SOX5: variants seen among roughly 807,000 people sequenced by gnomAD.
SOX5 encodes transcription factor SOX-5.
SOX5 carries 9 observed loss-of-function variants against 92.0 expected under a neutral mutation model. The observed-to-expected ratio is 0.10, with a 90% CI of 0.06 to 0.17. SOX5 has a LOEUF of 0.17. Ranked by LOEUF, SOX5 falls within the 10% of genes least tolerant of loss-of-function variation. The probability of loss-of-function intolerance (pLI) is 1.00; values close to 1 mark genes in which losing one functional copy is unlikely to be tolerated. For synonymous variants in SOX5, 344 were observed against 336.3 expected (o/e 1.02, Z -0.25); for missense variants, 642 against 944.5 (o/e 0.68, Z 4.20).
intron 4 of SOX5, among the ~76,000 whole-genome samples, chr12:24,170,811 T>C (rs1165045788): frequency 6.6e-6 from 1 of 152,206 alleles, no homozygotes; most frequent in Non-Finnish European, 1.5e-5. Context: ...ACACAGAATA[T>C]TGCGGTGCCA....
intron 1 of SOX5, among the ~76,000 whole-genome samples, chr12:24,435,761 TG>T (rs934323986): frequency 8.9e-4 from 89 of 99,634 alleles, no homozygotes; most frequent in African/African-American, 2.9e-3. Flanking sequence ...TACTGTGGTT[TG>T]TTTTTTTGTT....
intron 4 of SOX5, among the ~76,000 whole-genome samples, chr12:24,121,964 C>T (rs1401742243): frequency 6.8e-6 from 1 of 148,076 alleles, no homozygotes; most frequent in Non-Finnish European, 1.5e-5. Context: ...GACCATTACA[C>T]ATCAATGCAA....
intron 7 of SOX5, among the ~76,000 whole-genome samples, chr12:23,657,141 T>C (rs919817987): frequency 3.2e-5 from 3 of 93,130 alleles, no homozygotes; most frequent in Non-Finnish European, 6.7e-5. Flanking sequence ...AATGTGGAAA[T>C]GGAAGCTGGA....
chr12:23,783,911 C>A (rs1327375210), intron 3 of SOX5, among the ~76,000 whole-genome samples: 1 of 152,120 alleles, frequency 6.6e-6, no homozygotes, highest in East Asian at 1.9e-4. Context: ...AAGTTGGGCT[C>A]TCCTACCTGC....
At chr12:24,017,987 G>A (rs74906490) in intron 4 of SOX5, among the ~76,000 whole-genome samples, 1 of 152,192 alleles carries the variant, frequency 6.6e-6, no homozygotes, top group East Asian at 1.9e-4. Flanking sequence ...CGTTAACTCA[G>A]GATCTTGCTC....
At chr12:24,292,640 A>C (rs2140521438) in intron 2 of SOX5, among the ~76,000 whole-genome samples, 1 of 152,334 alleles carries the variant, frequency 6.6e-6, no homozygotes, top group South Asian at 2.1e-4. Context: ...TAAAGAAGAT[A>C]ATCTACAGTC....
At chr12:24,369,554 C>G (rs1006924841) in intron 1 of SOX5, among the ~76,000 whole-genome samples, 2 of 152,228 alleles carry the variant, frequency 1.3e-5, no homozygotes, top group African/African-American at 4.8e-5. Context: ...ATGGTGAGGA[C>G]AACAGAAGCT....
intron 4 of SOX5, among the ~76,000 whole-genome samples, chr12:24,075,113 A>G (rs373377834): frequency 3.3e-5 from 5 of 151,704 alleles, no homozygotes; most frequent in Non-Finnish European, 4.4e-5. Flanking sequence ...AATAAAAAAA[A>G]TAAAAATTAG....
intron 2 of SOX5, chr12:24,368,345 A>AT (rs1956373655): frequency 1.3e-5 from 2 of 152,224 alleles, no homozygotes; most frequent in East Asian, 3.8e-4. Flanking sequence ...ATTACTACAG[A>AT]ATCTACAAAA....
intron 4 of SOX5, among the ~76,000 whole-genome samples, chr12:24,112,605 A>G (rs1451835130): frequency 7.2e-6 from 1 of 139,586 alleles, no homozygotes; most frequent in East Asian, 2.2e-4. Flanking sequence ...ATCACGGCTC[A>G]CTGCAGACTT....
chr12:23,871,883 T>G (rs1568504850), intron 2 of SOX5, among the ~76,000 whole-genome samples: 1 of 152,244 alleles, frequency 6.6e-6, no homozygotes, highest in East Asian at 1.9e-4. Flanking sequence ...TCTATAACAA[T>G]AGAGTTTCTC....
At chr12:23,767,176 C>T (rs899224358) in intron 3 of SOX5, among the ~76,000 whole-genome samples, 8 of 151,554 alleles carry the variant, frequency 5.3e-5, no homozygotes, top group Non-Finnish European at 1.0e-4. Context: ...CACTGCACTC[C>T]AGCCTGGGCA....
At chr12:24,215,554 A>C (rs1959102175) in intron 3 of SOX5, among the ~76,000 whole-genome samples, 2 of 152,180 alleles carry the variant, frequency 1.3e-5, no homozygotes, top group African/African-American at 4.8e-5. Context: ...TAGAAGTCTA[A>C]GGCTTGTGAA....
chr12:24,137,030 T>C (rs12371840), intron 4 of SOX5, among the ~76,000 whole-genome samples: 32,445 of 152,176 alleles, frequency 0.21, 3,718 homozygotes, highest in African/African-American at 0.29. Flanking sequence ...AACTTTAAAG[T>C]GTCTTGGTCT....
chr12:24,430,071 G>A (rs1393382710), intron 1 of SOX5, among the ~76,000 whole-genome samples: 1 of 152,068 alleles, frequency 6.6e-6, no homozygotes, highest in Non-Finnish European at 1.5e-5. Flanking sequence ...AATCACTTTT[G>A]AAAATCTTAG....
intron 3 of SOX5, among the ~76,000 whole-genome samples, chr12:23,817,222 G>A (rs1023497734): frequency 2.6e-5 from 4 of 152,104 alleles, no homozygotes; most frequent in South Asian, 2.1e-4. Context: ...TTAGCCCTCC[G>A]AGTAAGATTA....
chr12:24,184,206 T>G (rs979464408), intron 4 of SOX5, among the ~76,000 whole-genome samples: 2 of 152,126 alleles, frequency 1.3e-5, no homozygotes, highest in Non-Finnish European at 2.9e-5. Flanking sequence ...AAAGAAATCT[T>G]TAGTAAAATA....
chr12:23,899,269 T>C (rs775180822), intron 1 of SOX5, among the ~76,000 whole-genome samples: 5 of 151,954 alleles, frequency 3.3e-5, no homozygotes, highest in Non-Finnish European at 4.4e-5. Context: ...GGCATGGTGG[T>C]GCATGCCTGT....
chr12:23,600,179 T>C (rs908979208), intron 9 of SOX5, among the ~76,000 whole-genome samples: 1 of 152,188 alleles, frequency 6.6e-6, no homozygotes, highest in Admixed American at 6.6e-5. Context: ...GAATTATTTT[T>C]ATAATTTTCA....
Sources: gnomAD v4.1 joint callset for allele counts (sites outside exome capture counted in the v4.1 genomes callset) on GRCh38, gnomAD v4.1.1 for gene constraint, MANE v1.5 for transcripts, NCBI Gene and HGNC (gene_info 2026-07-23, HGNC 2026-07-21) for gene names.